DNAJA1: variants seen among roughly 807,000 people sequenced by gnomAD.
DNAJA1 encodes the protein dnaJ homolog subfamily A member 1.
DNAJA1 carries 26 observed loss-of-function variants against 47.6 expected under a neutral mutation model. The ratio of observed to expected loss-of-function variants is 0.55; its 90% CI spans 0.40 to 0.76. DNAJA1 has a LOEUF of 0.76. Ranked by LOEUF, DNAJA1 falls within the 30% of genes least tolerant of loss-of-function variation. The probability of loss-of-function intolerance (pLI) is 0.00; values close to 1 mark genes in which losing one functional copy is unlikely to be tolerated. For synonymous variants in DNAJA1, 165 were observed against 158.4 expected, an observed-to-expected ratio of 1.04 and a Z score of -0.31; for missense variants, 315 against 485.0, an observed-to-expected ratio of 0.65 and a Z score of 3.29.
At chr9:33,033,339 ATCC>A (rs1436745126) in intron 5 of DNAJA1, among the ~76,000 whole-genome samples, 1 of 152,070 alleles carries the variant, frequency 6.6e-6, no homozygotes, top group Non-Finnish European at 1.5e-5. Context: ...TCCTCAGGGT[ATCC>A]TCCTGACTCG....
chr9:33,035,947 G>GT (rs772661920), intron 6 of DNAJA1, among the ~76,000 whole-genome samples: 1 of 152,162 alleles, frequency 6.6e-6, no homozygotes, highest in Non-Finnish European at 1.5e-5. Context: ...TATCCTCATT[G>GT]TTTAATTTCA....
intron 4 of DNAJA1, 21 bp downstream of exon 4, chr9:33,030,010 GT>G: frequency 6.2e-7 from 1 of 1,600,104 alleles, no homozygotes; most frequent in Non-Finnish European, 8.5e-7. Flanking sequence ...TTTTTGTTTT[GT>G]TTTGTTTTGT....
chr9:33,027,735 A>G (rs1298908012), intron 3 of DNAJA1, among the ~76,000 whole-genome samples: 2 of 152,034 alleles, frequency 1.3e-5, no homozygotes, highest in Admixed American at 6.6e-5. Context: ...CTGCAATCCC[A>G]GCTCCTCTGG....
intron 8 of DNAJA1, among the ~76,000 whole-genome samples, chr9:33,037,998 C>CTTT (rs74178843): frequency 6.9e-6 from 1 of 144,372 alleles, no homozygotes; most frequent in South Asian, 2.2e-4. Flanking sequence ...TTAATTAAAA[C>CTTT]TTTTTTTTTT....
chr9:33,031,852 CCTAACCCATTGGGCT>C (rs2119386949), intron 5 of DNAJA1, among the ~76,000 whole-genome samples: 1 of 152,264 alleles, frequency 6.6e-6, no homozygotes, highest in South Asian at 2.1e-4. Flanking sequence ...TTGACACTTC[CCTAACCCATTGGGCT>C]CCAGATTTAG....
At chr9:33,036,532 T>C in intron 6 of DNAJA1, 42 bp from the exon 7 acceptor site, 2 of 1,376,822 alleles carry the variant, frequency 1.5e-6, no homozygotes, top group Non-Finnish European at 2.0e-6. Context: ...ATCTACTGAT[T>C]CGTGATTTGA....
chr9:33,033,162 G>GT (rs1468094775), intron 5 of DNAJA1, among the ~76,000 whole-genome samples: 509 of 143,954 alleles, frequency 3.5e-3, no homozygotes, highest in African/African-American at 0.013. Flanking sequence ...CGAAGTCTCA[G>GT]TTTAAAAAAA....
chr9:33,035,447 A>C (rs1174479441), intron 6 of DNAJA1, among the ~76,000 whole-genome samples: 1 of 152,122 alleles, frequency 6.6e-6, no homozygotes, highest in African/African-American at 2.4e-5. Flanking sequence ...TCATTTGAGA[A>C]GGGTATTAAA....
In DNAJA1 at chr9:33,025,312, G is replaced by T. The variant is rs985685877; in HGVS notation, c.-82G>T. 1 of 152,464 alleles carries T rather than the reference G, an allele frequency of 6.6e-6. No homozygotes were observed. The highest frequency in any genetic ancestry group is 1.5e-5 in the Non-Finnish European group (1 of 68,050). The allele number at this position is 152,464 out of a possible 1,614,324, so 9.4% of individuals were successfully genotyped here. ...AACGCTCGGTGAGAGGCGGAGGAGC[G>T]GTAACTACCCCGGCTGCGCACAGCT... On this transcript the variant is annotated 5_prime_UTR_variant, in exon 1 of 9. Transcript: ENST00000330899.
At chr9:33,038,165 G>A (rs894065760) in intron 8 of DNAJA1, among the ~76,000 whole-genome samples, 1 of 151,826 alleles carries the variant, frequency 6.6e-6, no homozygotes, top group African/African-American at 2.4e-5. Flanking sequence ...CCACCACGCT[G>A]GGCTTTTTAG....
At chr9:33,038,312 C>G (rs1034589989) in intron 8 of DNAJA1, among the ~76,000 whole-genome samples, 3 of 152,122 alleles carry the variant, frequency 2.0e-5, no homozygotes, top group Non-Finnish European at 4.4e-5. Context: ...CTAAAAACAT[C>G]TTTGGTAAGG....
At chr9:33,034,403 T>C in intron 6 of DNAJA1, 73 bp downstream of exon 6, 1 of 1,208,616 alleles carries the variant, frequency 8.3e-7, no homozygotes, top group Non-Finnish European at 1.2e-6. Flanking sequence ...TGTTTTTTTG[T>C]TTTTTTTAAA....
rs189588204 is a variant in DNAJA1, at chr9:33,035,136, G to T, written c.758+806G>T. 1.8e-4 allele frequency among the ~76,000 whole-genome samples: 27 copies of T among 150,172 alleles called. No individual in the cohort carries two copies. The East Asian group carries it at 5.1e-3, about 28-fold the overall frequency. ...ATTTCAGCTTGGTTTGGTGGCTTACGCCTGTAATCCCAACACTTTAGGAGG... is the reference window on the plus strand; with the variant it reads ...ATTTCAGCTTGGTTTGGTGGCTTACTCCTGTAATCCCAACACTTTAGGAGG... On this transcript the variant is annotated intron_variant, in intron 6 of 8. Coordinates refer to ENST00000330899, the MANE Select transcript of DNAJA1 (RefSeq NM_001539.4).
rs188812343 is a variant in DNAJA1, at chr9:33,027,677, C to T, written c.310+687C>T. On this transcript the variant is annotated intron_variant, in intron 3 of 8. Coordinates refer to ENST00000330899, the MANE Select transcript of DNAJA1 (RefSeq NM_001539.4). ...GACCAGCCTGGCCAAGATGGTGAAA[C>T]CCCATCTCTACAAAACTACAGAATT... Among the ~76,000 whole-genome samples, 94 of 152,018 alleles carry T rather than the reference C, an allele frequency of 6.2e-4. 1 individual carries two copies. The East Asian group carries it at 0.017, about 27-fold the overall frequency.
At chr9:33,027,386 C>T (rs1838890257) in intron 3 of DNAJA1, among the ~76,000 whole-genome samples, 1 of 151,924 alleles carries the variant, frequency 6.6e-6, no homozygotes, top group African/African-American at 2.4e-5. Context: ...AACTGCAAAC[C>T]TCAGGTGGTG....
intron 6 of DNAJA1, 144 bp downstream of exon 6, chr9:33,034,474 A>T (rs991577606): frequency 4.0e-5 from 26 of 644,748 alleles, no homozygotes; most frequent in Middle Eastern, 3.5e-4. Context: ...TGTTCAGATC[A>T]TAAGAGGTTG....
intron 5 of DNAJA1, among the ~76,000 whole-genome samples, chr9:33,031,673 T>G (rs1213593855): frequency 6.6e-6 from 1 of 152,050 alleles, no homozygotes; most frequent in Non-Finnish European, 1.5e-5. Context: ...TCAAATGATC[T>G]GCCTGCCTTG....
chr9:33,036,978 C>T (rs1258610832), intron 7 of DNAJA1, 37 bp from the exon 8 acceptor site: 31 of 1,558,572 alleles, frequency 2.0e-5, no homozygotes, highest in Non-Finnish European at 2.7e-5. Flanking sequence ...AAAAATGTGA[C>T]CATACTTAAG....
chr9:33,030,839 A>G (rs1052573372), intron 5 of DNAJA1, among the ~76,000 whole-genome samples, 172 bp downstream of exon 5: 1 of 152,234 alleles, frequency 6.6e-6, no homozygotes, highest in Non-Finnish European at 1.5e-5. Flanking sequence ...ATAATTTTGC[A>G]CATTGGTATA....
Sources: allele counts gnomAD v4.1 joint callset (sites outside exome capture counted in the v4.1 genomes callset), GRCh38; gene constraint gnomAD v4.1.1; transcripts MANE v1.5; gene names NCBI Gene and HGNC (gene_info 2026-07-23, HGNC 2026-07-21).